Variants in TMEM117 observed in about 807,000 individuals in gnomAD.
TMEM117 encodes the protein transmembrane protein 117.
In TMEM117, 27 loss-of-function variants were observed where a neutral mutation model predicts 52.4. The ratio of observed to expected loss-of-function variants is 0.51; its 90% confidence interval spans 0.38 to 0.71. The LOEUF (loss-of-function observed/expected upper bound fraction) is 0.71. Ranked by LOEUF, TMEM117 falls within the 30% of genes least tolerant of loss-of-function variation. The pLI is 0.00. For missense variants in TMEM117, 556 were observed against 630.5 expected, an observed-to-expected ratio of 0.88 and a Z score of 1.26; for synonymous variants, 215 against 206.3, an observed-to-expected ratio of 1.04 and a Z score of -0.36.
At chr12:44,371,773 T>C (rs764321036) in intron 6 of TMEM117, among the ~76,000 whole-genome samples, 2 of 152,206 alleles carry the variant, frequency 1.3e-5, no homozygotes, top group Non-Finnish European at 2.9e-5. Context: ...CAAGATATCC[T>C]GAGACGATCT....
chr12:44,345,942 T>A (rs1951481007), intron 6 of TMEM117, among the ~76,000 whole-genome samples: 1 of 152,108 alleles, frequency 6.6e-6, no homozygotes, highest in Non-Finnish European at 1.5e-5. Flanking sequence ...AAACAGAATC[T>A]TCTGGACCTG....
intron 5 of TMEM117, chr12:44,244,270 A>C (rs918862564): frequency 1.6e-4 from 24 of 151,978 alleles, no homozygotes; most frequent in Non-Finnish European, 2.7e-4. Context: ...TTTTCTCTAC[A>C]TCTTCACCAA....
chr12:44,294,968 A>T (rs1244290493), intron 5 of TMEM117, among the ~76,000 whole-genome samples: 2 of 152,226 alleles, frequency 1.3e-5, no homozygotes, highest in Non-Finnish European at 2.9e-5. Context: ...AACCACAGAT[A>T]AAGGGGAACT....
At position 43,836,158 on chromosome 12, in the gene TMEM117, C is replaced by A. The variant is rs981737588; in HGVS notation, c.-67C>A. The stretch of plus-strand genomic sequence containing the variant: ...CCGAGGGCTGTGCTCGACCGCGAAT[C>A]CCGTGTGCAGTCGCCCCGCGCCCCG... On this transcript the variant is annotated 5_prime_UTR_variant, in exon 1 of 8. Transcript: ENST00000266534. The A allele has an allele frequency of 2.6e-5, 4 of 152,044 alleles. No individual in the cohort carries two copies. Among genetic ancestry groups the A allele is most frequent in the African/African-American group, 7.2e-5 (3 of 41,416 alleles). 9.4% of individuals were successfully genotyped at this position (152,044 alleles called of 1,614,324 possible).
intron 4 of TMEM117, among the ~76,000 whole-genome samples, chr12:44,195,964 T>C (rs1218406823): frequency 3.3e-5 from 5 of 151,946 alleles, no homozygotes; most frequent in Non-Finnish European, 5.9e-5. Context: ...ACATACTTTG[T>C]AGTCCAAGCT....
intron 6 of TMEM117, among the ~76,000 whole-genome samples, chr12:44,303,954 C>A (rs1950873356): frequency 6.6e-6 from 1 of 152,052 alleles, no homozygotes; most frequent in Non-Finnish European, 1.5e-5. Flanking sequence ...AGCAAAATAT[C>A]CAAATAGAAC....
chr12:43,797,002 G>C, the TMEM117 span: 10 of 1,610,908 alleles, frequency 6.2e-6, no homozygotes, highest in African/African-American at 1.3e-5. Context: ...ATTTGTAGTT[G>C]TCTTTCTACA....
At chr12:43,921,823 T>G (rs1299663153) in intron 2 of TMEM117, among the ~76,000 whole-genome samples, 1 of 152,160 alleles carries the variant, frequency 6.6e-6, no homozygotes, top group Non-Finnish European at 1.5e-5. Flanking sequence ...GAATATTCAT[T>G]GAATAAATGC....
At chr12:43,999,530 A>G (rs1946083724) in intron 3 of TMEM117, among the ~76,000 whole-genome samples, 1 of 152,152 alleles carries the variant, frequency 6.6e-6, no homozygotes, top group Admixed American at 6.6e-5. Context: ...CCCGGGCTGG[A>G]GTGCAGTGTT....
At chr12:44,146,979 C>T (rs1053464178) in intron 4 of TMEM117, among the ~76,000 whole-genome samples, 16 of 152,216 alleles carry the variant, frequency 1.1e-4, no homozygotes, top group African/African-American at 3.9e-4. Context: ...CTTTGGCCCT[C>T]ACATTACAGA....
intron 3 of TMEM117, among the ~76,000 whole-genome samples, chr12:44,002,044 G>T (rs962227483): frequency 6.6e-6 from 1 of 152,164 alleles, no homozygotes; most frequent in South Asian, 2.1e-4. Context: ...CTTTCTTAAA[G>T]AATTCAGGAG....
chr12:44,263,516 C>A (rs2138546297), intron 5 of TMEM117: 1 of 152,312 alleles, frequency 6.6e-6, no homozygotes, highest in African/African-American at 2.4e-5. Context: ...GATTATAAAT[C>A]ATTCTACCAT....
rs1033819336 is a variant in TMEM117 at position 43,941,331 on chromosome 12, A to G, written c.278-2879A>G. The stretch of plus-strand genomic sequence containing the variant: ...CATAAAATTCTGAATTCTGGGACCT[A>G]TAGACCTGTAGGAAAAGTGGCACAT... On this transcript the variant is annotated intron_variant, in intron 2 of 7. Transcript: ENST00000266534. Among the ~76,000 whole-genome samples the G allele has an allele frequency of 3.3e-5, 5 of 152,208 alleles. No individual in the cohort carries two copies. The East Asian group carries it at 5.8e-4, about 18-fold the overall frequency.
intron 5 of TMEM117, among the ~76,000 whole-genome samples, chr12:44,272,426 G>A (rs939951896): frequency 2.6e-5 from 4 of 152,132 alleles, no homozygotes; most frequent in African/African-American, 9.7e-5. Flanking sequence ...TACCATCAGA[G>A]TGAACAGCCC....
intron 6 of TMEM117, among the ~76,000 whole-genome samples, chr12:44,355,825 T>C (rs1423923993): frequency 6.6e-6 from 1 of 152,016 alleles, no homozygotes; most frequent in East Asian, 1.9e-4. Context: ...TGGAGCAGCC[T>C]ACTACCTGAC....
rs771061191 is a variant in TMEM117, at chr12:44,211,402, C to G, written c.608+15C>G. 39 of 1,564,962 alleles carry G rather than the reference C, an allele frequency of 2.5e-5. 1 individual carries two copies. Among genetic ancestry groups the G allele is most frequent in the Non-Finnish European group, 3.4e-5 (39 of 1,143,090 alleles). On this transcript the variant is annotated intron_variant, in intron 5 of 7. Transcript: ENST00000266534. ...ACTTTATTCTGGTAGGAAATTGTTT[C>G]ACTTATTTATTTCTGCCTTGCCTCA... is the stretch of plus-strand genomic sequence containing the variant.
At chr12:44,171,164 C>A (rs1043566523) in intron 4 of TMEM117, among the ~76,000 whole-genome samples, 2 of 151,784 alleles carry the variant, frequency 1.3e-5, no homozygotes, top group African/African-American at 2.4e-5. Context: ...TACAGGCGCC[C>A]GCCACTACGC....
chr12:44,139,782 C>T (rs988440255), intron 3 of TMEM117, among the ~76,000 whole-genome samples: 5 of 151,994 alleles, frequency 3.3e-5, no homozygotes, highest in African/African-American at 1.2e-4. Context: ...AATTACTTGC[C>T]CAAATCAGTA....
chr12:44,290,147 T>C (rs1268755438), intron 5 of TMEM117, among the ~76,000 whole-genome samples: 3 of 152,206 alleles, frequency 2.0e-5, no homozygotes, highest in Non-Finnish European at 4.4e-5. Context: ...CCATCTCCCA[T>C]TTCATAGCTT....
Sources: gnomAD v4.1 joint callset for allele counts (sites outside exome capture counted in the v4.1 genomes callset) on GRCh38, gnomAD v4.1.1 for gene constraint, MANE v1.5 for transcripts, NCBI Gene and HGNC (gene_info 2026-07-23, HGNC 2026-07-21) for gene names.